Variants in KAZN observed in about 807,000 individuals in gnomAD.
The protein encoded by KAZN is kazrin, periplakin interacting protein, also known as kazrin.
In KAZN, 40 loss-of-function variants were observed where a neutral mutation model predicts 87.4. The ratio of observed to expected loss-of-function variants is 0.46; its 90% CI spans 0.36 to 0.60. KAZN has a LOEUF of 0.60. Ranked by LOEUF, KAZN falls within the 20% of genes least tolerant of loss-of-function variation. The probability of loss-of-function intolerance (pLI) is 0.00; values close to 1 mark genes in which losing one functional copy is unlikely to be tolerated. For missense variants in KAZN, 898 were observed against 1,073.9 expected (o/e 0.84, Z 2.29); for synonymous variants, 466 against 458.3 (o/e 1.02, Z -0.22).
chr1:14,940,898 CTTTTTTTTTTTTTTTTTT>C lies in KAZN; in HGVS notation c.227-19772_227-19755del, dbSNP rs66777443. Among the ~76,000 whole-genome samples, 61 of 54,410 alleles carry C rather than the reference CTTTTTTTTTTTTTTTTTT, an allele frequency of 1.1e-3. 4 individuals carry two copies. The Admixed American group carries it at 0.013, about 11-fold the overall frequency. The allele number at this position is 54,410 out of a possible 152,430, so 35.7% of individuals were successfully genotyped here. A position where few individuals can be genotyped will look rare whatever the true frequency, so the allele number is the denominator to read the frequency against. On this transcript the variant is annotated intron_variant, in intron 1 of 14. Transcript: ENST00000376030. ...ACCAGACAGATGTCATTCTACCTTT[CTTTTTTTTTTTTTTTTTT>C]TTTTTTTTTTTTTCTGAGAGACGCA... is the stretch of plus-strand genomic sequence containing the variant.
chr1:14,537,100 A>C (rs1195507949), intron 2 of KAZN, among the ~76,000 whole-genome samples: 1 of 152,156 alleles, frequency 6.6e-6, no homozygotes, highest in Non-Finnish European at 1.5e-5. Flanking sequence ...TTGAGTGAAC[A>C]TTTTTCTTAT....
In KAZN at chr1:15,056,088, C is replaced by T; in HGVS notation, c.727-3C>T. The T allele has an allele frequency of 6.2e-7, 1 of 1,601,748 alleles. No homozygotes were observed. Among genetic ancestry groups the T allele is most frequent in the African/African-American group, 1.3e-5 (1 of 74,870 alleles). On this transcript the variant is annotated splice_region_variant and splice_polypyrimidine_tract_variant and intron_variant, in intron 4 of 14. Transcript: ENST00000376030. The surrounding 1 kb of genome is among the most constrained non-coding windows in gnomAD (Gnocchi z 5.4). The stretch of plus-strand genomic sequence containing the variant: ...CTTCTTCCTGTCTTCTTGCTCTCTC[C>T]AGGCCAAACAGTCCTTAGCTACGCT...
chr1:14,512,073 T>C (rs569403343), intron 2 of KAZN, among the ~76,000 whole-genome samples: 12 of 152,214 alleles, frequency 7.9e-5, no homozygotes, highest in African/African-American at 2.9e-4. Context: ...CACAAATGCA[T>C]GTTGACATCC....
At chr1:14,282,994 T>G (rs1036127973) in intron 2 of KAZN, among the ~76,000 whole-genome samples, 1 of 152,164 alleles carries the variant, frequency 6.6e-6, no homozygotes, top group Non-Finnish European at 1.5e-5. Flanking sequence ...GTCAGACAAA[T>G]GAGTTTATTT....
intron 1 of KAZN, among the ~76,000 whole-genome samples, chr1:14,165,043 A>T (rs1178462956): frequency 7.2e-6 from 1 of 138,436 alleles, no homozygotes; most frequent in Non-Finnish European, 1.6e-5. Context: ...CAAAAGGATC[A>T]TTTTTCCTCT....
At chr1:14,564,392 AGT>A (rs372915709) in intron 2 of KAZN, among the ~76,000 whole-genome samples, 1 of 152,232 alleles carries the variant, frequency 6.6e-6, no homozygotes, top group East Asian at 1.9e-4. Context: ...CCACTCAATA[AGT>A]GGGCAGCACT....
intron 1 of KAZN, among the ~76,000 whole-genome samples, chr1:14,726,627 C>T (rs1407375656): frequency 6.6e-6 from 1 of 152,196 alleles, no homozygotes; most frequent in East Asian, 1.9e-4. Context: ...AGAACAACAA[C>T]AAAAGCGATG....
chr1:14,682,616 A>AAT (rs1640736398), intron 1 of KAZN, among the ~76,000 whole-genome samples: 2 of 152,250 alleles, frequency 1.3e-5, no homozygotes, highest in South Asian at 4.1e-4. Context: ...AAGGCAGAGT[A>AAT]ATATCCCATT....
At chr1:14,719,640 A>T (rs1642989101) in intron 1 of KAZN, among the ~76,000 whole-genome samples, 1 of 152,216 alleles carries the variant, frequency 6.6e-6, no homozygotes. Context: ...GGAGTTTGAG[A>T]CTAACCTGGC....
At chr1:13,975,423 A>G (rs1462248758) in intron 1 of KAZN, among the ~76,000 whole-genome samples, 1 of 152,220 alleles carries the variant, frequency 6.6e-6, no homozygotes, top group African/African-American at 2.4e-5. Flanking sequence ...GTGATGCTTC[A>G]GAGGCTCGAC....
chr1:14,215,644 G>A (rs1288362159), intron 2 of KAZN, among the ~76,000 whole-genome samples: 2 of 152,154 alleles, frequency 1.3e-5, no homozygotes, highest in Non-Finnish European at 2.9e-5. Flanking sequence ...TAGGTCTGGC[G>A]CTTTGGCTTT....
intron 2 of KAZN, among the ~76,000 whole-genome samples, chr1:14,252,298 C>T (rs1049792936): frequency 3.3e-5 from 5 of 152,192 alleles, no homozygotes; most frequent in Admixed American, 2.6e-4. Context: ...GATGGATAAA[C>T]TTGGAGTTCA....
chr1:14,742,523 T>C (rs1025609073), intron 1 of KAZN, among the ~76,000 whole-genome samples: 1 of 151,880 alleles, frequency 6.6e-6, no homozygotes. Flanking sequence ...AACCAATGAG[T>C]CAGTTCATCC....
At chr1:14,058,473 A>G (rs1642664529) in intron 1 of KAZN, among the ~76,000 whole-genome samples, 1 of 152,200 alleles carries the variant, frequency 6.6e-6, no homozygotes, top group South Asian at 2.1e-4. Context: ...CCTTAGATTA[A>G]TATCTCCACA....
At chr1:14,602,471 A>G (rs756819941) in intron 1 of KAZN, among the ~76,000 whole-genome samples, 1 of 152,232 alleles carries the variant, frequency 6.6e-6, no homozygotes, top group Non-Finnish European at 1.5e-5. Context: ...ACAGGTGGAC[A>G]GAAGGAGGCT....
intron 2 of KAZN, among the ~76,000 whole-genome samples, chr1:15,012,653 T>G (rs114291230): frequency 0.027 from 4,147 of 152,274 alleles, 83 homozygotes; most frequent in Non-Finnish European, 0.041. Flanking sequence ...CCGGCGTGGT[T>G]GCTCACGCCT....
chr1:14,153,094 A>G (rs1312698843), intron 1 of KAZN, among the ~76,000 whole-genome samples: 1 of 152,202 alleles, frequency 6.6e-6, no homozygotes, highest in African/African-American at 2.4e-5. Context: ...CTAATTATGA[A>G]TCCCTTGTCA....
intron 8 of KAZN, among the ~76,000 whole-genome samples, chr1:15,068,535 G>T (rs1019334445): frequency 6.6e-6 from 1 of 151,920 alleles, no homozygotes; most frequent in African/African-American, 2.4e-5. Flanking sequence ...GTTACTTCCC[G>T]CAGACCTCCG....
chr1:13,997,364 A>G (rs775242670), intron 1 of KAZN, among the ~76,000 whole-genome samples: 3 of 152,144 alleles, frequency 2.0e-5, no homozygotes, highest in Non-Finnish European at 2.9e-5. Context: ...AGAATGGGAC[A>G]GAGCATGAGA....
Sources: gnomAD v4.1 joint callset for allele counts (sites outside exome capture counted in the v4.1 genomes callset) on GRCh38, gnomAD v4.1.1 for gene constraint, Gnocchi (gnomAD v3.1) non-coding constraint, MANE v1.5 for transcripts, NCBI Gene and HGNC (gene_info 2026-07-23, HGNC 2026-07-21) for gene names.